Variants in CTNNBL1 observed in about 807,000 individuals in gnomAD.
The protein encoded by CTNNBL1 is catenin beta like 1, also known as beta-catenin-like protein 1.
CTNNBL1 carries 31 observed loss-of-function variants against 72.7 expected under a neutral mutation model. The ratio of observed to expected loss-of-function variants is 0.43; its 90% CI spans 0.32 to 0.58. CTNNBL1 has a LOEUF of 0.58. Among genes scored for constraint, CTNNBL1 ranks in the 20% least tolerant of loss-of-function variants. The pLI is 0.08. For synonymous variants in CTNNBL1, 240 were observed against 267.3 expected, an observed-to-expected ratio of 0.90 and a Z score of 1.00; for missense variants, 534 against 725.1, an observed-to-expected ratio of 0.74 and a Z score of 3.03.
At chr20:37,790,284 C>T (rs1343846968) in intron 10 of CTNNBL1, among the ~76,000 whole-genome samples, 1 of 152,180 alleles carries the variant, frequency 6.6e-6, no homozygotes, top group Non-Finnish European at 1.5e-5. Context: ...TCCTAATGAA[C>T]ATCGGAAGGT....
chr20:37,825,891 T>C (rs2072155370), intron 11 of CTNNBL1, among the ~76,000 whole-genome samples: 1 of 152,088 alleles, frequency 6.6e-6, no homozygotes, highest in Non-Finnish European at 1.5e-5. Context: ...AGCGATGGGG[T>C]TGGTTTCACT....
At chr20:37,777,590 A>G (rs148406544) in intron 8 of CTNNBL1, 64 bp from the exon 9 acceptor site, 2 of 1,507,272 alleles carry the variant, frequency 1.3e-6, no homozygotes, top group African/African-American at 2.7e-5. Context: ...TATCAGTGTT[A>G]GACGGCTGTA....
intron 1 of CTNNBL1, among the ~76,000 whole-genome samples, chr20:37,724,228 G>A (rs1386212421): frequency 6.6e-6 from 1 of 152,122 alleles, no homozygotes; most frequent in Non-Finnish European, 1.5e-5. Flanking sequence ...CAAAATAATG[G>A]TAGGAAGGAA....
In CTNNBL1 at chr20:37,777,516, C is replaced by G. The variant is rs570199507; in HGVS notation, c.823+99C>G. 115 of 1,367,740 alleles carry G rather than the reference C, an allele frequency of 8.4e-5. No homozygotes were observed. The African/African-American group carries it at 1.5e-3, about 18-fold the overall frequency. 84.7% of individuals were successfully genotyped at this position (1,367,740 alleles called of 1,614,324 possible). On this transcript the variant is annotated intron_variant, in intron 8 of 15. Transcript: ENST00000361383. ...CTCTTGCCTTTGGCATCCCCTTGCT[C>G]TCCCTCTCACTCCCTGTGCTGCTTT... is the stretch of plus-strand genomic sequence containing the variant.
In CTNNBL1 at chr20:37,791,176, TC is replaced by T. The variant is rs537344517; in HGVS notation, c.1032-11690del. Among the ~76,000 whole-genome samples, 280 of 152,362 alleles carry T rather than the reference TC, an allele frequency of 1.8e-3. 1 individual carries two copies. Among genetic ancestry groups the T allele is most frequent in the African/African-American group, 6.5e-3 (270 of 41,576 alleles). ...CACTTGTTGAAGGATATTTGGGTTT[TC>T]AGTTTTTTGCTCTTATGAATAATTC... is the stretch of plus-strand genomic sequence containing the variant. On this transcript the variant is annotated intron_variant, in intron 10 of 15. Transcript: ENST00000361383.
At chr20:37,720,906 C>T (rs1201821228) in intron 1 of CTNNBL1, among the ~76,000 whole-genome samples, 1 of 152,192 alleles carries the variant, frequency 6.6e-6, no homozygotes, top group Non-Finnish European at 1.5e-5. Flanking sequence ...TTCACACATA[C>T]ATTGTGTGCT....
chr20:37,746,671 C>T, intron 4 of CTNNBL1, 64 bp downstream of exon 4: 1 of 1,556,916 alleles, frequency 6.4e-7, no homozygotes, highest in Non-Finnish European at 8.9e-7. Context: ...GTTACTCTTT[C>T]TCCTGTCTCT....
intron 11 of CTNNBL1, among the ~76,000 whole-genome samples, chr20:37,814,478 C>A (rs1176710494): frequency 6.6e-6 from 1 of 152,140 alleles, no homozygotes; most frequent in Admixed American, 6.5e-5. Context: ...GTTTCTATTC[C>A]TAACCATTCC....
At chr20:37,852,008 G>A (rs2072401066) in intron 13 of CTNNBL1, among the ~76,000 whole-genome samples, 1 of 152,148 alleles carries the variant, frequency 6.6e-6, no homozygotes, top group Non-Finnish European at 1.5e-5. Context: ...CCCAACACAG[G>A]GCATGTACAG....
At chr20:37,817,938 G>C (rs138596143) in intron 11 of CTNNBL1, among the ~76,000 whole-genome samples, 4 of 152,276 alleles carry the variant, frequency 2.6e-5, no homozygotes, top group African/African-American at 7.2e-5. Context: ...TCTATTCCTA[G>C]CATGTCTTAT....
At chr20:37,848,752 C>T (rs1312583137) in intron 13 of CTNNBL1, among the ~76,000 whole-genome samples, 1 of 152,130 alleles carries the variant, frequency 6.6e-6, no homozygotes, top group East Asian at 1.9e-4. Context: ...ACTGTTTTGC[C>T]TTCCTGATCC....
intron 13 of CTNNBL1, among the ~76,000 whole-genome samples, chr20:37,848,106 T>A (rs1402898188): frequency 6.6e-6 from 1 of 150,644 alleles, no homozygotes; most frequent in African/African-American, 2.4e-5. Flanking sequence ...TGAAAAAGAA[T>A]CCTGCTGAGA....
intron 11 of CTNNBL1, among the ~76,000 whole-genome samples, chr20:37,834,682 C>T (rs562044472): frequency 1.3e-5 from 2 of 152,126 alleles, no homozygotes; most frequent in African/African-American, 4.8e-5. Flanking sequence ...TGGAATCAGG[C>T]GACTTAGATT....
Position 37,777,689 on chromosome 20 carries a change from G to A in CTNNBL1, c.859G>A (p.Asp287Asn), listed in dbSNP as rs1364613497. 1.2e-6 allele frequency: 2 copies of A among 1,613,586 alleles called. No individual in the cohort carries two copies. The highest frequency in any genetic ancestry group is 1.7e-6 in the Non-Finnish European group (2 of 1,179,756). Residue 287 changes from aspartate to asparagine, a missense_variant, in exon 9 of 16, where the codon GAT becomes AAT. By Grantham distance (23) the Asp-to-Asn change is conservative. Transcript: ENST00000361383. ...ATTGCTTGGGGAGCTGGATGGAATC[G>A]ATGTGCTTCTTCAGCAGTTATCCGT... Reference protein sequence around the residue: ...RELLGELDGIDVLLQQLSVFK... With the variant: ...RELLGELDGINVLLQQLSVFK...
chr20:37,777,710 T>G lies in CTNNBL1; in HGVS notation c.880T>G (p.Ser294Ala). ...AATCGATGTGCTTCTTCAGCAGTTA[T>G]CCGTGAGTAATTCTTATGCTTCCTG... ...DGIDVLLQQL[S>A]VFKRHNPSTA... The change falls in exon 9 of 16, where the codon TCC becomes GCC. Residue 294 changes from serine to alanine, a missense_variant and splice_region_variant. Physicochemically the swap from Ser to Ala is moderately conservative, Grantham distance 99. Coordinates refer to ENST00000361383, the MANE Select transcript of CTNNBL1 (RefSeq NM_030877.5). The G allele has an allele frequency of 6.2e-7, 1 of 1,613,654 alleles. No individual in the cohort carries two copies. Among genetic ancestry groups the G allele is most frequent in the Non-Finnish European group, 8.5e-7 (1 of 1,179,626 alleles).
chr20:37,744,205 C>A (rs1456596899), intron 3 of CTNNBL1, among the ~76,000 whole-genome samples: 1 of 152,138 alleles, frequency 6.6e-6, no homozygotes. Context: ...ATGCAAAATA[C>A]AAAATGAGTT....
chr20:37,774,845 T>C (rs1410273949), intron 7 of CTNNBL1, among the ~76,000 whole-genome samples: 1 of 152,256 alleles, frequency 6.6e-6, no homozygotes, highest in Non-Finnish European at 1.5e-5. Flanking sequence ...GGTACTTTCA[T>C]ATTATGTTTT....
rs781389055 is a variant in CTNNBL1, at chr20:37,765,298, G to A, written c.658+8G>A. 8 of 1,533,740 alleles carry A rather than the reference G, an allele frequency of 5.2e-6. No homozygotes were observed. Among genetic ancestry groups the A allele is most frequent in the Non-Finnish European group, 3.5e-6 (4 of 1,130,648 alleles). ...GCGTCCACAACACTCTGGGTGAGAG[G>A]AAGGGTGCTTGCCATTGCCTGAGTT... On this transcript the variant is annotated splice_region_variant and intron_variant, in intron 6 of 15. Transcript: ENST00000361383.
intron 1 of CTNNBL1, among the ~76,000 whole-genome samples, chr20:37,723,742 C>A (rs1435884810): frequency 6.6e-6 from 1 of 152,158 alleles, no homozygotes; most frequent in African/African-American, 2.4e-5. Context: ...ATCACAACAA[C>A]CCTTTGAGGT....
Sources: gnomAD v4.1 joint callset for allele counts (sites outside exome capture counted in the v4.1 genomes callset) on GRCh38, gnomAD v4.1.1 for gene constraint, MANE v1.5 for transcripts, NCBI Gene and HGNC (gene_info 2026-07-23, HGNC 2026-07-21) for gene names.